RNF13: variants seen among roughly 807,000 people sequenced by gnomAD.
The protein encoded by RNF13 is ring finger protein 13, also known as E3 ubiquitin-protein ligase RNF13.
In RNF13, 19 loss-of-function variants were observed where a neutral mutation model predicts 37.7. The ratio of observed to expected loss-of-function variants is 0.50; its 90% confidence interval spans 0.35 to 0.74. The LOEUF is 0.74. Among genes scored for constraint, RNF13 ranks in the 30% least tolerant of loss-of-function variants. The probability of loss-of-function intolerance (pLI) is 0.01; values close to 1 mark genes in which losing one functional copy is unlikely to be tolerated. For synonymous variants in RNF13, 144 were observed against 157.8 expected, an observed-to-expected ratio of 0.91 and a Z score of 0.65; for missense variants, 375 against 453.0, an observed-to-expected ratio of 0.83 and a Z score of 1.56.
At chr3:149,817,497 C>T (rs1044005153) in intron 1 of RNF13, among the ~76,000 whole-genome samples, 3 of 152,180 alleles carry the variant, frequency 2.0e-5, no homozygotes, top group African/African-American at 7.2e-5. Context: ...AACATTTGAA[C>T]ATCTCCAGAT....
At chr3:149,862,356 T>A (rs1307916974) in intron 3 of RNF13, among the ~76,000 whole-genome samples, 1 of 152,076 alleles carries the variant, frequency 6.6e-6, no homozygotes, top group Non-Finnish European at 1.5e-5. Flanking sequence ...AGAAATAAAA[T>A]ATTACAGATA....
In RNF13 at chr3:149,960,995, A is replaced by G. The variant is rs1321274958; in HGVS notation, c.1037A>G (p.Asn346Ser). Residue 346 changes from asparagine (N) to serine (S), a missense_variant, in exon 10 of 10, where the codon AAT (asparagine) becomes AGT (serine). Physicochemically the swap from Asn to Ser is conservative, Grantham distance 46. Coordinates refer to ENST00000392894, the MANE Select transcript of RNF13 (RefSeq NM_183381.3). Reference protein sequence around the residue: ...TESSDYEEDDNEDTDSSDAEN... With the variant: ...TESSDYEEDDSEDTDSSDAEN... ...TCTTCAGACTATGAGGAAGACGACAATGAAGATACTGACAGTAGTGATGCA... is the reference window on the plus strand; with the variant it reads ...TCTTCAGACTATGAGGAAGACGACAGTGAAGATACTGACAGTAGTGATGCA... The G allele has an allele frequency of 1.2e-6, 2 of 1,614,124 alleles. No individual in the cohort carries two copies. The highest frequency in any genetic ancestry group is 2.7e-5 in the African/African-American group (2 of 74,944).
chr3:149,820,370 A>G (rs1719901169), intron 1 of RNF13, among the ~76,000 whole-genome samples: 1 of 152,018 alleles, frequency 6.6e-6, no homozygotes, highest in Admixed American at 6.6e-5. Context: ...GTTTCTAATG[A>G]TAGAAATATC....
intron 1 of RNF13, among the ~76,000 whole-genome samples, chr3:149,840,193 G>A (rs370112181): frequency 3.9e-5 from 6 of 152,324 alleles, no homozygotes; most frequent in South Asian, 4.1e-4. Context: ...GCTGATTTCA[G>A]TTAAAATGTC....
intron 3 of RNF13, 83 bp from the exon 4 acceptor site, chr3:149,871,946 C>T: frequency 7.9e-7 from 1 of 1,264,732 alleles, no homozygotes; most frequent in Non-Finnish European, 1.1e-6. Flanking sequence ...AAACACATGA[C>T]AAATCGAAAA....
intron 4 of RNF13, among the ~76,000 whole-genome samples, chr3:149,893,026 C>G (rs1177605506): frequency 6.6e-6 from 1 of 152,140 alleles, no homozygotes; most frequent in African/African-American, 2.4e-5. Context: ...AAAGCCAGTT[C>G]TACACAGGGT....
chr3:149,872,476 C>G (rs768811988), intron 4 of RNF13, among the ~76,000 whole-genome samples: 18 of 152,184 alleles, frequency 1.2e-4, no homozygotes, highest in Non-Finnish European at 2.2e-4. Flanking sequence ...TCTACATTGT[C>G]ATTGAGGTTT....
At chr3:149,863,115 G>A (rs1221572426) in intron 3 of RNF13, among the ~76,000 whole-genome samples, 1 of 152,080 alleles carries the variant, frequency 6.6e-6, no homozygotes, top group Non-Finnish European at 1.5e-5. Context: ...TTTGAATTCT[G>A]AATACTGAAA....
intron 1 of RNF13, 173 bp from the exon 2 acceptor site, chr3:149,845,838 A>G (rs1046328489): frequency 1.2e-5 from 6 of 504,922 alleles, no homozygotes; most frequent in Non-Finnish European, 2.1e-5. Context: ...GTTTACCTAA[A>G]TGTCCAAATC....
At chr3:149,909,122 G>GA (rs1051756504) in intron 6 of RNF13, among the ~76,000 whole-genome samples, 2 of 152,182 alleles carry the variant, frequency 1.3e-5, no homozygotes, top group African/African-American at 4.8e-5. Context: ...GCTGACAGAA[G>GA]AAATAGAAAT....
chr3:149,960,685 T>A (rs147124668), intron 9 of RNF13, 55 bp from the exon 10 acceptor site: 1 of 1,505,598 alleles, frequency 6.6e-7, no homozygotes, highest in Admixed American at 2.2e-5. Flanking sequence ...AGAGATTAAA[T>A]ATAAAAGTAT....
At chr3:149,865,774 G>A (rs1447913203) in intron 3 of RNF13, among the ~76,000 whole-genome samples, 4 of 152,108 alleles carry the variant, frequency 2.6e-5, no homozygotes, top group African/African-American at 7.2e-5. Context: ...TTGTTAGGTG[G>A]TTTATTTGAA....
intron 6 of RNF13, among the ~76,000 whole-genome samples, chr3:149,909,554 A>G (rs987072225): frequency 6.6e-6 from 1 of 151,318 alleles, no homozygotes; most frequent in African/African-American, 2.4e-5. Context: ...TGGCCTCCCA[A>G]AGTGCTGGGA....
chr3:149,861,486 G>A (rs1160654447), intron 3 of RNF13, among the ~76,000 whole-genome samples: 3 of 152,116 alleles, frequency 2.0e-5, no homozygotes, highest in Non-Finnish European at 2.9e-5. Flanking sequence ...AACATGAATG[G>A]AATTAGAGAT....
At chr3:149,944,149 A>G (rs1001837959) in intron 8 of RNF13, among the ~76,000 whole-genome samples, 2 of 152,152 alleles carry the variant, frequency 1.3e-5, no homozygotes, top group Admixed American at 6.5e-5. Context: ...ACATGAACTT[A>G]TCCTTTTTTA....
chr3:149,820,695 A>G (rs971276201), intron 1 of RNF13, among the ~76,000 whole-genome samples: 6 of 152,192 alleles, frequency 3.9e-5, no homozygotes, highest in Non-Finnish European at 2.9e-5. Flanking sequence ...TTAAAGCAAT[A>G]GTTCAGTGGC....
rs7856 is a variant in RNF13, at chr3:149,961,227, T to G, written c.*123T>G. 0.037 allele frequency: 31,855 copies of G among 862,416 alleles called. 732 individuals carry two copies. The highest frequency in any genetic ancestry group is 0.044 in the Non-Finnish European group (24,373 of 560,266). The allele number at this position is 862,416 out of a possible 1,614,324, so 53.4% of individuals were successfully genotyped here. A position where few individuals can be genotyped will look rare whatever the true frequency, so the allele number is the denominator to read the frequency against. Reference sequence around the variant, plus strand: ...TATTTTTTAGTATTCTACAGTTTAATCAAATTACTGAAACAGGACTTTTGA... The same window carrying G: ...TATTTTTTAGTATTCTACAGTTTAAGCAAATTACTGAAACAGGACTTTTGA... On this transcript the variant is annotated 3_prime_UTR_variant, in exon 10 of 10. Coordinates refer to ENST00000392894, the MANE Select transcript of RNF13 (RefSeq NM_183381.3).
chr3:149,857,015 TG>T (rs1281847645), intron 3 of RNF13, among the ~76,000 whole-genome samples: 1 of 152,228 alleles, frequency 6.6e-6, no homozygotes, highest in Non-Finnish European at 1.5e-5. Flanking sequence ...CCCAAAGTGC[TG>T]GGATACAGGC....
At chr3:149,841,870 T>C (rs779799960) in intron 1 of RNF13, among the ~76,000 whole-genome samples, 34 of 152,174 alleles carry the variant, frequency 2.2e-4, no homozygotes, top group Non-Finnish European at 4.1e-4. Flanking sequence ...CCTCAGGTGA[T>C]CCACCTGCCT....
Sources: allele counts gnomAD v4.1 joint callset (sites outside exome capture counted in the v4.1 genomes callset), GRCh38; gene constraint gnomAD v4.1.1; transcripts MANE v1.5; gene names NCBI Gene and HGNC (gene_info 2026-07-23, HGNC 2026-07-21).